Variants in XKR9 observed in about 807,000 individuals in gnomAD.
XKR9 encodes the protein XK-related protein 9.
In XKR9, 32 loss-of-function variants were observed where a neutral mutation model predicts 32.0. The observed-to-expected ratio is 1.00, with a 90% CI of 0.76 to 1.34. XKR9 has a LOEUF of 1.34. Among genes scored for constraint, XKR9 ranks in the 40% most tolerant of loss-of-function variants. XKR9 has a pLI of 0.00. For synonymous variants in XKR9, 168 were observed against 143.4 expected (o/e 1.17, Z -1.22); for missense variants, 546 against 429.7 (o/e 1.27, Z -2.39).
At chr8:70,861,349 T>C in the XKR9 span, among the ~76,000 whole-genome samples, 1 of 152,032 alleles carries the variant, frequency 6.6e-6, no homozygotes, top group South Asian at 2.1e-4. Flanking sequence ...ATAAAATCCT[T>C]ATTTCATAAA....
chr8:70,833,602 A>G, the XKR9 span, among the ~76,000 whole-genome samples: 1 of 152,130 alleles, frequency 6.6e-6, no homozygotes, highest in Non-Finnish European at 1.5e-5. Context: ...AGTGGTGTTC[A>G]ACTTTGGCTG....
chr8:71,062,987 C>T, the XKR9 span, among the ~76,000 whole-genome samples: 3 of 152,076 alleles, frequency 2.0e-5, no homozygotes, highest in Non-Finnish European at 2.9e-5. Flanking sequence ...TTTGTGAGAG[C>T]TTGCAGATGT....
At chr8:70,896,411 GT>G in the XKR9 span, among the ~76,000 whole-genome samples, 1 of 151,882 alleles carries the variant, frequency 6.6e-6, no homozygotes, top group Non-Finnish European at 1.5e-5. Context: ...TTTTGAGTGA[GT>G]TTTGTTATTC....
At chr8:70,932,158 T>G in the XKR9 span, among the ~76,000 whole-genome samples, 1 of 151,638 alleles carries the variant, frequency 6.6e-6, no homozygotes, top group South Asian at 2.1e-4. Context: ...TTAAGTAAAA[T>G]ATTATATTGT....
the XKR9 span, among the ~76,000 whole-genome samples, chr8:71,045,130 T>C: frequency 6.6e-6 from 1 of 152,200 alleles, no homozygotes; most frequent in Non-Finnish European, 1.5e-5. Context: ...TACTCTTTTA[T>C]TTCCAACACT....
chr8:70,900,708 C>T, the XKR9 span, among the ~76,000 whole-genome samples: 2 of 152,168 alleles, frequency 1.3e-5, no homozygotes, highest in South Asian at 4.2e-4. Context: ...ATGGGTGCAA[C>T]GTGCAGGTTT....
the XKR9 span, among the ~76,000 whole-genome samples, chr8:71,021,596 G>A: frequency 3.2e-4 from 47 of 147,270 alleles, no homozygotes; most frequent in South Asian, 2.2e-3. Context: ...TCCGCCTCCC[G>A]GGTTCACGCC....
At chr8:70,981,330 A>G in the XKR9 span, among the ~76,000 whole-genome samples, 2 of 152,122 alleles carry the variant, frequency 1.3e-5, no homozygotes, top group African/African-American at 4.8e-5. Flanking sequence ...GGCTTTGCTC[A>G]TTTTTAAAAA....
At chr8:70,942,712 G>T in the XKR9 span, among the ~76,000 whole-genome samples, 1 of 152,052 alleles carries the variant, frequency 6.6e-6, no homozygotes, top group African/African-American at 2.4e-5. Flanking sequence ...GTCTGCGGTT[G>T]GGGCTAAAAG....
the XKR9 span, among the ~76,000 whole-genome samples, chr8:71,001,979 G>C: frequency 6.6e-6 from 1 of 152,268 alleles, no homozygotes; most frequent in South Asian, 2.1e-4. Flanking sequence ...TAAAAAGGTA[G>C]ATTAGTTTGG....
the XKR9 span, among the ~76,000 whole-genome samples, chr8:71,046,389 T>C: frequency 5.3e-5 from 8 of 152,322 alleles, no homozygotes; most frequent in African/African-American, 1.9e-4. Context: ...GTGTCCCTTC[T>C]GTGCATACAC....
At chr8:70,873,368 T>A in the XKR9 span, among the ~76,000 whole-genome samples, 1 of 152,228 alleles carries the variant, frequency 6.6e-6, no homozygotes, top group South Asian at 2.1e-4. Context: ...AGTCCTGTGA[T>A]GGACCTGGCA....
chr8:70,863,498 T>A, the XKR9 span, among the ~76,000 whole-genome samples: 1 of 152,236 alleles, frequency 6.6e-6, no homozygotes, highest in South Asian at 2.1e-4. Context: ...AAATTTGTGA[T>A]CTTTCATGAA....
chr8:71,017,741 C>T, the XKR9 span, among the ~76,000 whole-genome samples: 4 of 152,150 alleles, frequency 2.6e-5, no homozygotes, highest in Admixed American at 6.5e-5. Context: ...CTCATGAGCT[C>T]GGGTACTCCC....
chr8:70,881,352 A>T, the XKR9 span, among the ~76,000 whole-genome samples: 1 of 152,146 alleles, frequency 6.6e-6, no homozygotes, highest in African/African-American at 2.4e-5. Flanking sequence ...ATGGGAGAAA[A>T]TTTTTCCAAT....
chr8:70,916,869 T>C, the XKR9 span, among the ~76,000 whole-genome samples: 1 of 143,976 alleles, frequency 6.9e-6, no homozygotes, highest in African/African-American at 2.5e-5. Flanking sequence ...GTGAAAAAGC[T>C]TTTTTTTTTT....
chr8:70,769,580 A>T (rs1807424904), intron 2 of XKR9, among the ~76,000 whole-genome samples: 2 of 151,920 alleles, frequency 1.3e-5, no homozygotes, highest in South Asian at 4.2e-4. Flanking sequence ...ACACCAATGA[A>T]TTGTACGTTT....
chr8:70,875,281 G>C, the XKR9 span, among the ~76,000 whole-genome samples: 1 of 152,138 alleles, frequency 6.6e-6, no homozygotes, highest in Non-Finnish European at 1.5e-5. Flanking sequence ...AAATCCTTAA[G>C]TGGAGAATGC....
chr8:70,789,468 C>T (rs1807734469), intron 3 of XKR9: 1 of 152,042 alleles, frequency 6.6e-6, no homozygotes, highest in African/African-American at 2.4e-5. Flanking sequence ...GCCTGTAAGT[C>T]ATTTCTTTGT....
Sources: allele counts gnomAD v4.1 joint callset (sites outside exome capture counted in the v4.1 genomes callset), GRCh38; gene constraint gnomAD v4.1.1; transcripts MANE v1.5; gene names NCBI Gene and HGNC (gene_info 2026-07-23, HGNC 2026-07-21).